EHBP1: variants seen among roughly 807,000 people sequenced by gnomAD.
The protein encoded by EHBP1 is EH domain-binding protein 1.
A neutral mutation model predicts 144.0 loss-of-function variants in EHBP1; 55 were observed. The ratio of observed to expected loss-of-function variants is 0.38; its 90% confidence interval spans 0.31 to 0.48. The LOEUF (loss-of-function observed/expected upper bound fraction) is 0.48. Among genes scored for constraint, EHBP1 ranks in the 20% least tolerant of loss-of-function variants. The pLI, the probability that EHBP1 is intolerant of heterozygous loss-of-function variation, is 0.98. For synonymous variants in EHBP1, 469 were observed against 472.7 expected, an observed-to-expected ratio of 0.99 and a Z score of 0.10; for missense variants, 1,200 against 1,364.2, an observed-to-expected ratio of 0.88 and a Z score of 1.90.
At chr2:62,769,313 T>C (rs539726934) in intron 4 of EHBP1, among the ~76,000 whole-genome samples, 1 of 152,280 alleles carries the variant, frequency 6.6e-6, no homozygotes, top group East Asian at 1.9e-4. Flanking sequence ...AGCAAAGTTT[T>C]AGGATACAAA....
intron 5 of EHBP1, among the ~76,000 whole-genome samples, chr2:62,809,699 A>G (rs2044826383): frequency 6.6e-6 from 1 of 152,088 alleles, no homozygotes; most frequent in Non-Finnish European, 1.5e-5. Context: ...TCCCATCTTT[A>G]TGTCCATGTG....
chr2:62,842,420 C>T (rs890266768), intron 7 of EHBP1, among the ~76,000 whole-genome samples: 2 of 152,158 alleles, frequency 1.3e-5, no homozygotes, highest in African/African-American at 4.8e-5. Context: ...GTATTATCCA[C>T]GAGGGCAGAT....
At chr2:62,839,801 A>G (rs895401596) in intron 7 of EHBP1, among the ~76,000 whole-genome samples, 1 of 152,236 alleles carries the variant, frequency 6.6e-6, no homozygotes, top group Non-Finnish European at 1.5e-5. Context: ...GCAACTCTTC[A>G]AGGAGAACTA....
chr2:62,766,759 A>G (rs2041221228), intron 4 of EHBP1, among the ~76,000 whole-genome samples: 1 of 152,052 alleles, frequency 6.6e-6, no homozygotes, highest in Non-Finnish European at 1.5e-5. Context: ...TTCTTGTAAG[A>G]AGTAGTATGT....
chr2:62,839,519 G>C (rs1164986912), intron 7 of EHBP1, among the ~76,000 whole-genome samples: 14 of 149,336 alleles, frequency 9.4e-5, no homozygotes, highest in South Asian at 6.6e-4. Context: ...AGGAAATAAA[G>C]GGTATTCAAT....
chr2:62,864,134 G>A (rs535366144), intron 8 of EHBP1, among the ~76,000 whole-genome samples: 111 of 151,964 alleles, frequency 7.3e-4, no homozygotes, highest in Non-Finnish European at 1.4e-3. Context: ...AGGTGCAAGA[G>A]ACTATGCCCA....
intron 19 of EHBP1, among the ~76,000 whole-genome samples, chr2:62,998,272 T>C (rs1353227942): frequency 2.0e-5 from 3 of 152,174 alleles, no homozygotes; most frequent in African/African-American, 4.8e-5. Context: ...TATATACTTG[T>C]GTGGATTCAG....
intron 19 of EHBP1, among the ~76,000 whole-genome samples, chr2:63,004,230 G>A (rs1162841462): frequency 2.6e-5 from 4 of 151,612 alleles, no homozygotes; most frequent in Non-Finnish European, 5.9e-5. Flanking sequence ...ATTTTCTTTG[G>A]TAACAGTTCA....
chr2:62,887,517 C>T (rs1469149464), intron 10 of EHBP1, among the ~76,000 whole-genome samples: 2 of 150,020 alleles, frequency 1.3e-5, no homozygotes, highest in Admixed American at 6.7e-5. Context: ...GTGGGAGATT[C>T]GCTTGAGCCC....
chr2:62,888,766 G>A (rs1443481965), intron 10 of EHBP1, among the ~76,000 whole-genome samples: 2 of 152,138 alleles, frequency 1.3e-5, no homozygotes. Context: ...GCACTGGTTA[G>A]CTCACCTTTA....
chr2:62,815,231 G>A (rs993175237), intron 5 of EHBP1, among the ~76,000 whole-genome samples: 6 of 152,166 alleles, frequency 3.9e-5, no homozygotes, highest in Non-Finnish European at 7.3e-5. Context: ...TAAGACCCCA[G>A]ATTTGTACTA....
intron 9 of EHBP1, among the ~76,000 whole-genome samples, chr2:62,869,810 T>C (rs915860599): frequency 6.6e-5 from 10 of 152,212 alleles, no homozygotes; most frequent in Non-Finnish European, 5.9e-5. Context: ...AATAAAGCTG[T>C]TTTAAAAAGA....
At chr2:62,960,987 G>T (rs867928134) in intron 14 of EHBP1, among the ~76,000 whole-genome samples, 23 of 152,128 alleles carry the variant, frequency 1.5e-4, no homozygotes, top group African/African-American at 5.3e-4. Flanking sequence ...ACTCTGATTA[G>T]AGTTCAGCTT....
intron 19 of EHBP1, among the ~76,000 whole-genome samples, chr2:63,026,252 G>T (rs1161087767): frequency 6.6e-6 from 1 of 150,550 alleles, no homozygotes; most frequent in African/African-American, 2.4e-5. Flanking sequence ...TAGGAATCAA[G>T]AGAGGATACC....
chr2:62,784,256 A>C (rs181938540), intron 5 of EHBP1, among the ~76,000 whole-genome samples: 230 of 152,334 alleles, frequency 1.5e-3, no homozygotes, highest in Non-Finnish European at 2.0e-3. Context: ...TTCCAAAATC[A>C]CATTTTTTCT....
chr2:62,689,066 A>C (rs1445849704), intron 1 of EHBP1, among the ~76,000 whole-genome samples: 2 of 152,172 alleles, frequency 1.3e-5, no homozygotes, highest in African/African-American at 4.8e-5. Context: ...GAAGCCTGTT[A>C]TTTTTTAATA....
intron 19 of EHBP1, among the ~76,000 whole-genome samples, chr2:63,031,995 T>G (rs976256670): frequency 6.6e-6 from 1 of 152,086 alleles, no homozygotes; most frequent in African/African-American, 2.4e-5. Context: ...ATCAGTTATA[T>G]TTTTTTCCGT....
chr2:63,019,037 T>C (rs1206076161), intron 19 of EHBP1, among the ~76,000 whole-genome samples: 1 of 152,166 alleles, frequency 6.6e-6, no homozygotes, highest in Non-Finnish European at 1.5e-5. Flanking sequence ...TCACCCTTTC[T>C]TTTTTTAAGA....
intron 7 of EHBP1, among the ~76,000 whole-genome samples, chr2:62,839,231 A>G (rs1263077782): frequency 6.6e-6 from 1 of 152,178 alleles, no homozygotes; most frequent in East Asian, 1.9e-4. Context: ...ACAGAACCAA[A>G]GACAAAAACC....
Sources: allele counts gnomAD v4.1 joint callset (sites outside exome capture counted in the v4.1 genomes callset), GRCh38; gene constraint gnomAD v4.1.1; transcripts MANE v1.5; gene names NCBI Gene and HGNC (gene_info 2026-07-23, HGNC 2026-07-21).